Variants in ZBTB40 observed in about 807,000 individuals in gnomAD.
The protein encoded by ZBTB40 is zinc finger and BTB domain containing 40.
ZBTB40 carries 60 observed loss-of-function variants against 117.5 expected under a neutral mutation model. The observed-to-expected ratio is 0.51, with a 90% CI of 0.41 to 0.63. The LOEUF (loss-of-function observed/expected upper bound fraction) is 0.63, where lower values mean the gene tolerates loss of function less well. ZBTB40 is among the 30% of genes least tolerant of loss of function. The pLI is 0.00. For missense variants in ZBTB40, 1,287 were observed against 1,498.5 expected, an observed-to-expected ratio of 0.86 and a Z score of 2.33; for synonymous variants, 525 against 577.1, an observed-to-expected ratio of 0.91 and a Z score of 1.29.
intron 1 of ZBTB40, among the ~76,000 whole-genome samples, chr1:22,434,419 T>C (rs1262880578): frequency 6.6e-6 from 1 of 152,210 alleles, no homozygotes; most frequent in Non-Finnish European, 1.5e-5. Context: ...TTAGACTTTA[T>C]TTATGGATTT....
chr1:22,524,218 G>A lies in ZBTB40; in HGVS notation c.3299G>A (p.Gly1100Glu). 1 of 1,614,044 alleles carries A rather than the reference G, an allele frequency of 6.2e-7. No individual in the cohort carries two copies. The highest frequency in any genetic ancestry group is 8.5e-7 in the Non-Finnish European group (1 of 1,180,006). Residue 1100 changes from glycine to glutamate, a missense_variant and splice_region_variant, in exon 17 of 18, where the codon GGG becomes GAG. Around this residue, in one of 2 missense-constraint regions of ZBTB40, gnomAD observed 417 missense variants for 564.1 expected, o/e 0.74. Coordinates refer to ENST00000375647, the MANE Select transcript of ZBTB40 (RefSeq NM_014870.4). ...CCCCTTCTGTCTCCCTCTCCTCCAG[G>A]GTCCCAGCCATTCCGGTGCTTGTAC... Reference protein sequence around the residue: ...LQVHVKCQHSGSQPFRCLYCA... With the variant: ...LQVHVKCQHSESQPFRCLYCA...
At chr1:22,523,971 T>TA (rs1639607594) in intron 16 of ZBTB40, among the ~76,000 whole-genome samples, 2 of 152,266 alleles carry the variant, frequency 1.3e-5, no homozygotes, top group African/African-American at 4.8e-5. Context: ...AATCTGATAC[T>TA]AATGAAACTG....
At chr1:22,503,131 A>G (rs1013080287) in intron 5 of ZBTB40, among the ~76,000 whole-genome samples, 4 of 145,824 alleles carry the variant, frequency 2.7e-5, no homozygotes, top group African/African-American at 1.0e-4. Flanking sequence ...TTTTGCTATT[A>G]AAAGTGATGT....
chr1:22,518,938 G>A (rs1639447326), intron 13 of ZBTB40, among the ~76,000 whole-genome samples: 1 of 152,170 alleles, frequency 6.6e-6, no homozygotes, highest in Non-Finnish European at 1.5e-5. Context: ...AGAAGACCCA[G>A]AATACTTTGC....
rs772195709 is a variant in ZBTB40, at chr1:22,508,630, G to A, written c.1598G>A (p.Trp533Ter). Residue 533 changes from tryptophan to a stop codon, truncating the protein, a stop_gained, in exon 8 of 18, where the codon TGG (tryptophan) becomes TAG (stop). Coordinates refer to ENST00000375647, the MANE Select transcript of ZBTB40 (RefSeq NM_014870.4). LOFTEE classifies it high-confidence loss of function. Reference protein sequence around the residue: ...EKQTLSATAIWQLLLVVQETK... With the variant: ...EKQTLSATAI ...CAGACTCTCTCTGCCACAGCCATTT[G>A]GCAACTGCTGCTGGTGGTTCAGGAG... 6.2e-7 allele frequency: 1 copy of A among 1,614,192 alleles called. No homozygotes were observed. The highest frequency in any genetic ancestry group is 8.5e-7 in the Non-Finnish European group (1 of 1,180,056).
At chr1:22,444,871 C>G (rs987653350) in intron 1 of ZBTB40, among the ~76,000 whole-genome samples, 2 of 152,210 alleles carry the variant, frequency 1.3e-5, no homozygotes. Flanking sequence ...CCTTTCCTTC[C>G]TGCTCTAAAA....
chr1:22,499,837 T>C (rs1307681950), intron 3 of ZBTB40, among the ~76,000 whole-genome samples: 3 of 152,198 alleles, frequency 2.0e-5, no homozygotes, highest in African/African-American at 7.2e-5. Flanking sequence ...TAAATAAAAA[T>C]CTTAAACATA....
chr1:22,478,320 T>C (rs1641600203), intron 1 of ZBTB40, among the ~76,000 whole-genome samples: 1 of 152,194 alleles, frequency 6.6e-6, no homozygotes, highest in Non-Finnish European at 1.5e-5. Flanking sequence ...CCATCTTGGT[T>C]CACTGCAAGC....
intron 1 of ZBTB40, among the ~76,000 whole-genome samples, chr1:22,432,266 C>T (rs562761873): frequency 2.0e-5 from 3 of 152,302 alleles, no homozygotes; most frequent in Admixed American, 6.5e-5. Context: ...GATAGATACA[C>T]TCCAGCATCC....
At chr1:22,500,688 G>A (rs1387207301) in intron 3 of ZBTB40, among the ~76,000 whole-genome samples, 2 of 152,210 alleles carry the variant, frequency 1.3e-5, no homozygotes, top group Non-Finnish European at 2.9e-5. Context: ...AAGGCTTGTT[G>A]TATAAACGTT....
rs372026460 is a variant in ZBTB40 at position 22,521,677 on chromosome 1, C to T, written c.3211+19C>T. 2.1e-5 allele frequency: 34 copies of T among 1,614,034 alleles called. No homozygotes were observed. The highest frequency in any genetic ancestry group is 2.4e-5 in the Non-Finnish European group (28 of 1,180,028). On this transcript the variant is annotated intron_variant, in intron 15 of 17. Coordinates refer to ENST00000375647, the MANE Select transcript of ZBTB40 (RefSeq NM_014870.4). ...CATGCAGGTGGAGTTTGGGTACCGC[C>T]GGCAGAGAGCGGGAGGGGCTTGATG...
chr1:22,501,670 C>T lies in ZBTB40; in HGVS notation c.1010C>T (p.Thr337Ile). 4.3e-6 allele frequency: 7 copies of T among 1,613,762 alleles called. No individual in the cohort carries two copies. Among genetic ancestry groups the T allele is most frequent in the Non-Finnish European group, 5.1e-6 (6 of 1,179,974 alleles). ...GACAGGAAGCCAGAAGATGTAGACACAGTGCAGCCAAAAGGTAGGAGAAGA... is the reference window on the plus strand; with the variant it reads ...GACAGGAAGCCAGAAGATGTAGACATAGTGCAGCCAAAAGGTAGGAGAAGA... ...LLDRKPEDVD[T>I]VQPKGSTEEG... Residue 337 changes from threonine (T) to isoleucine (I), a missense_variant, in exon 4 of 18, where the codon ACA becomes ATA. Thr to Ile is a moderately conservative substitution (Grantham distance 89). Coordinates refer to ENST00000375647, the MANE Select transcript of ZBTB40 (RefSeq NM_014870.4).
Position 22,490,465 on chromosome 1 carries a change from G to C in ZBTB40, c.517G>C (p.Ala173Pro). 2.5e-6 allele frequency: 4 copies of C among 1,600,758 alleles called. No individual in the cohort carries two copies. Among genetic ancestry groups the C allele is most frequent in the Non-Finnish European group, 3.4e-6 (4 of 1,172,818 alleles). Residue 173 changes from alanine to proline, a missense_variant, in exon 2 of 18, where the codon GCT becomes CCT. Ala to Pro is a conservative substitution (Grantham distance 27). Around this residue, in one of 2 missense-constraint regions of ZBTB40, gnomAD observed 870 missense variants for 934.4 expected, o/e 0.93. Transcript: ENST00000375647. ...TGCCACTCCAGGGGGCCCTGTGAAA[G>C]CTGAGACTGAGGAAGCAGCCCATTC... The part of the protein sequence containing the change: ...LAATPGGPVK[A>P]ETEEAAHSVS...
At chr1:22,433,873 T>C (rs544035717) in intron 1 of ZBTB40, among the ~76,000 whole-genome samples, 1 of 148,258 alleles carries the variant, frequency 6.7e-6, no homozygotes, top group Non-Finnish European at 1.5e-5. Context: ...TTTAAGCTAG[T>C]TTTTTTTTTG....
chr1:22,461,978 C>CT (rs774421820), intron 1 of ZBTB40, among the ~76,000 whole-genome samples: 6 of 152,170 alleles, frequency 3.9e-5, no homozygotes, highest in Non-Finnish European at 7.3e-5. Context: ...TTCAGCTGCC[C>CT]TGTTACCAAG....
At chr1:22,505,084 G>A (rs1217301145) in intron 5 of ZBTB40, among the ~76,000 whole-genome samples, 1 of 152,068 alleles carries the variant, frequency 6.6e-6, no homozygotes, top group Non-Finnish European at 1.5e-5. Context: ...TGGTTTTAAA[G>A]CTAAAATCAT....
intron 1 of ZBTB40, among the ~76,000 whole-genome samples, chr1:22,455,070 A>G (rs530215976): frequency 2.0e-5 from 3 of 152,246 alleles, no homozygotes; most frequent in African/African-American, 7.2e-5. Context: ...ATGGCATCTA[A>G]TTTTTTTAAA....
At position 22,509,288 on chromosome 1, in the gene ZBTB40, A is replaced by T. The variant is rs192585160; in HGVS notation, c.1833+55A>T. The T allele has an allele frequency of 3.5e-3, 5,564 of 1,611,704 alleles. 8 individuals are homozygous for T. Among genetic ancestry groups the T allele is most frequent in the Non-Finnish European group, 4.1e-3 (4,817 of 1,178,492 alleles). The stretch of plus-strand genomic sequence containing the variant: ...GAGAGTTTTACAGTTGTTGCCTGGG[A>T]CTGTCTTCATTCCTAAGAGAGGAAC... On this transcript the variant is annotated intron_variant, in intron 9 of 17. Transcript: ENST00000375647.
At position 22,513,028 on chromosome 1, in the gene ZBTB40, C is replaced by T. The variant is rs1289100794; in HGVS notation, c.2566C>T (p.Arg856Cys). Reference protein sequence around the residue: ...AANSTLKNHLRLHTGDRPFMC... With the variant: ...AANSTLKNHLCLHTGDRPFMC... ...CAATTCCACCCTGAAGAACCACCTT[C>T]GCCTTCACACCGGGGACCGCCCGTT... Residue 856 changes from arginine to cysteine, a missense_variant, in exon 12 of 18, where the codon CGC becomes TGC. Transcript: ENST00000375647. This position sits in a 1 kb window ranked among gnomAD's most constrained non-coding sequence, Gnocchi z 4.9. The T allele has an allele frequency of 5.6e-6, 9 of 1,614,182 alleles. No homozygotes were observed. The highest frequency in any genetic ancestry group is 2.2e-5 in the East Asian group (1 of 44,870).
Sources: allele counts gnomAD v4.1 joint callset (sites outside exome capture counted in the v4.1 genomes callset), GRCh38; gene constraint gnomAD v4.1.1; regional missense constraint gnomAD v4.1.1; non-coding constraint Gnocchi (gnomAD v3.1); transcripts MANE v1.5; gene names NCBI Gene and HGNC (gene_info 2026-07-23, HGNC 2026-07-21).